Variants in PTPN21 observed in about 807,000 individuals in gnomAD.
The protein encoded by PTPN21 is tyrosine-protein phosphatase non-receptor type 21.
A neutral mutation model predicts 131.8 loss-of-function variants in PTPN21; 77 were observed. The ratio of observed to expected loss-of-function variants is 0.58; its 90% CI spans 0.49 to 0.71. The LOEUF is 0.71. PTPN21 is among the 30% of genes least tolerant of loss of function. PTPN21 has a pLI of 0.00. For synonymous variants in PTPN21, 715 were observed against 621.3 expected (o/e 1.15, Z -2.24); for missense variants, 1,552 against 1,527.1 (o/e 1.02, Z -0.27).
At position 88,469,146 on chromosome 14, in the gene PTPN21, A is replaced by G; in HGVS notation, c.3236-70T>C. On this transcript the variant is annotated intron_variant, in intron 17 of 18. Coordinates refer to ENST00000556564, the MANE Select transcript of PTPN21 (RefSeq NM_007039.4). This position sits in a 1 kb window ranked among gnomAD's most constrained non-coding sequence, Gnocchi z 4.3. ...GTATCACATTGTTGACTCAATCTTC[A>G]TATTCTCTCCACTGATTAAGAGGAC... 1 of 1,490,700 alleles carries G rather than the reference A, an allele frequency of 6.7e-7. No homozygotes were observed. Among genetic ancestry groups the G allele is most frequent in the Non-Finnish European group, 9.1e-7 (1 of 1,096,312 alleles). The allele number at this position is 1,490,700 out of a possible 1,614,324, so 92.3% of individuals were successfully genotyped here.
intron 2 of PTPN21, among the ~76,000 whole-genome samples, chr14:88,547,836 C>T (rs1436766819): frequency 1.3e-5 from 2 of 152,108 alleles, no homozygotes; most frequent in African/African-American, 4.8e-5. Flanking sequence ...CATCTTCTGG[C>T]TTTAATGAAC....
intron 2 of PTPN21, among the ~76,000 whole-genome samples, chr14:88,548,633 T>C (rs754204994): frequency 1.1e-4 from 16 of 152,168 alleles, no homozygotes; most frequent in South Asian, 2.1e-4. Flanking sequence ...GCATCTTCAG[T>C]ACTGAGTGAT....
At chr14:88,505,430 AC>A in intron 4 of PTPN21, 59 bp from the exon 5 acceptor site, 1 of 1,247,818 alleles carries the variant, frequency 8.0e-7, no homozygotes, top group Non-Finnish European at 1.2e-6. Context: ...CAAAATATGC[AC>A]AACAAAATTC....
chr14:88,512,000 G>T (rs2078192178), intron 3 of PTPN21, among the ~76,000 whole-genome samples: 1 of 152,244 alleles, frequency 6.6e-6, no homozygotes, highest in South Asian at 2.1e-4. Flanking sequence ...GTAATAGAAG[G>T]CAATGTGTAG....
At chr14:88,519,623 C>T (rs2078359086) in intron 2 of PTPN21, among the ~76,000 whole-genome samples, 1 of 152,094 alleles carries the variant, frequency 6.6e-6, no homozygotes, top group Non-Finnish European at 1.5e-5. Flanking sequence ...GCTCAATAGT[C>T]ATTTTATTAT....
intron 2 of PTPN21, among the ~76,000 whole-genome samples, chr14:88,549,823 A>G (rs867963602): frequency 6.8e-6 from 1 of 147,256 alleles, no homozygotes; most frequent in South Asian, 2.2e-4. Flanking sequence ...AGTGCAGTGG[A>G]GCGATCTCGG....
At chr14:88,546,247 T>C (rs968845807) in intron 2 of PTPN21, among the ~76,000 whole-genome samples, 5 of 151,842 alleles carry the variant, frequency 3.3e-5, no homozygotes, top group African/African-American at 1.2e-4. Flanking sequence ...TGTTATACTA[T>C]TGTGCGGCCC....
chr14:88,516,635 C>T (rs2078275205), intron 3 of PTPN21, among the ~76,000 whole-genome samples: 1 of 152,120 alleles, frequency 6.6e-6, no homozygotes, highest in African/African-American at 2.4e-5. Flanking sequence ...TTAAACACTT[C>T]CCTCCCTCTC....
chr14:88,547,274 A>G (rs2078795353), intron 2 of PTPN21, among the ~76,000 whole-genome samples: 1 of 147,972 alleles, frequency 6.8e-6, no homozygotes, highest in Admixed American at 7.0e-5. Context: ...GAAGAAAATT[A>G]CAGGAAGAAG....
intron 1 of PTPN21, among the ~76,000 whole-genome samples, chr14:88,553,696 A>G (rs2078893015): frequency 6.6e-6 from 1 of 151,732 alleles, no homozygotes; most frequent in African/African-American, 2.4e-5. Flanking sequence ...AAGTTTACAA[A>G]AGGCAGTCTG....
In PTPN21 at chr14:88,468,232, T is replaced by C; in HGVS notation, c.3430A>G (p.Arg1144Gly). The C allele has an allele frequency of 6.2e-7, 1 of 1,610,150 alleles. No individual in the cohort carries two copies. The highest frequency in any genetic ancestry group is 8.5e-7 in the Non-Finnish European group (1 of 1,177,522). The change falls in exon 19 of 19, where the codon AGG (arginine) becomes GGG (glycine). Residue 1144 changes from arginine (R) to glycine (G), a missense_variant. Physicochemically the swap from Arg to Gly is moderately radical, Grantham distance 125. Around this residue, in one of 4 missense-constraint regions of PTPN21, gnomAD observed 316 missense variants for 378.5 expected, o/e 0.83. Transcript: ENST00000556564. ...LDIPRVLDML[R>G]QQRMMLVQTL... ...TGCACCAGCATCATTCTCTGTTGCC[T>C]CAGCATGTCCAGCACTCTCGGGATG...
At chr14:88,546,297 C>T (rs151065028) in intron 2 of PTPN21, among the ~76,000 whole-genome samples, 1,689 of 151,928 alleles carry the variant, frequency 0.011, 10 homozygotes, top group Middle Eastern at 0.024. Context: ...TTGGCTCACT[C>T]CTGTAATCCC....
At chr14:88,522,417 A>G in intron 2 of PTPN21, among the ~76,000 whole-genome samples, 1 of 147,034 alleles carries the variant, frequency 6.8e-6, no homozygotes, top group Admixed American at 6.8e-5. Flanking sequence ...GCGACAGAGC[A>G]AGACTGTCTC....
intron 10 of PTPN21, among the ~76,000 whole-genome samples, chr14:88,494,902 A>G (rs1216757182): frequency 6.7e-6 from 1 of 149,584 alleles, no homozygotes; most frequent in East Asian, 2.0e-4. Context: ...AGTCCCAGCT[A>G]CTCAAGAGGC....
In PTPN21 at chr14:88,468,257, G is replaced by A. The variant is rs977307526; in HGVS notation, c.3405C>T (p.Asp1135=). The change falls in exon 19 of 19, where the codon GAC becomes GAT. Residue 1135 remains aspartate (D), a synonymous_variant. Transcript: ENST00000556564. The part of the protein sequence containing the change: ...IACLEHNEVL[D]IPRVLDMLRQ... ...TCAGCATGTCCAGCACTCTCGGGAT[G>A]TCCAGCACCTAGGTTGAGAGAAACG... 2 of 1,600,220 alleles carry A rather than the reference G, an allele frequency of 1.2e-6. No homozygotes were observed. The highest frequency in any genetic ancestry group is 1.7e-6 in the Non-Finnish European group (2 of 1,174,168).
At chr14:88,525,742 A>G (rs2078465300) in intron 2 of PTPN21, among the ~76,000 whole-genome samples, 1 of 152,240 alleles carries the variant, frequency 6.6e-6, no homozygotes, top group Admixed American at 6.5e-5. Flanking sequence ...CAAGAAACAC[A>G]TGTATATGCA....
At chr14:88,495,754 T>C (rs1240727439) in intron 10 of PTPN21, among the ~76,000 whole-genome samples, 1 of 152,016 alleles carries the variant, frequency 6.6e-6, no homozygotes, top group Non-Finnish European at 1.5e-5. Context: ...TCCAGAAGGA[T>C]GGAAGGAGCT....
chr14:88,505,579 G>A (rs991809645), intron 4 of PTPN21, among the ~76,000 whole-genome samples: 1 of 152,006 alleles, frequency 6.6e-6, no homozygotes, highest in Non-Finnish European at 1.5e-5. Context: ...AAATGCCTAT[G>A]AATTAAATAA....
chr14:88,525,857 C>T (rs539187778), intron 2 of PTPN21, among the ~76,000 whole-genome samples: 2 of 152,260 alleles, frequency 1.3e-5, no homozygotes, highest in East Asian at 1.9e-4. Context: ...ATACAATGAA[C>T]ATTCAGCCAT....
Sources: allele counts gnomAD v4.1 joint callset (sites outside exome capture counted in the v4.1 genomes callset), GRCh38; gene constraint gnomAD v4.1.1; regional missense constraint gnomAD v4.1.1; non-coding constraint Gnocchi (gnomAD v3.1); transcripts MANE v1.5; gene names NCBI Gene and HGNC (gene_info 2026-07-23, HGNC 2026-07-21).